The following FBXL13 variants were observed in gnomAD, a reference collection of about 807,000 sequenced individuals.
FBXL13 encodes the protein F-box and leucine-rich repeat protein 13.
A neutral mutation model predicts 83.6 loss-of-function variants in FBXL13; 67 were observed. The observed-to-expected ratio is 0.80, with a 90% CI of 0.66 to 0.98. The LOEUF is 0.98. Among genes scored for constraint, FBXL13 ranks in the 50% least tolerant of loss-of-function variants. FBXL13 has a pLI of 0.00. For synonymous variants in FBXL13, 272 were observed against 299.5 expected, an observed-to-expected ratio of 0.91 and a Z score of 0.95; for missense variants, 822 against 866.5, an observed-to-expected ratio of 0.95 and a Z score of 0.64.
chr7:103,065,099 C>G (rs1248978429), intron 1 of FBXL13, among the ~76,000 whole-genome samples: 2 of 151,976 alleles, frequency 1.3e-5, no homozygotes, highest in Non-Finnish European at 2.9e-5. Flanking sequence ...ATTGACACAC[C>G]AAACAAACAG....
intron 6 of FBXL13, chr7:102,976,140 C>T: frequency 1.3e-6 from 1 of 766,478 alleles, no homozygotes; most frequent in Non-Finnish European, 2.4e-6. Context: ...TCTCGTCAGC[C>T]TTGCCGCTGA....
At position 102,847,099 on chromosome 7, in the gene FBXL13, G is replaced by T. The variant is rs997519328; in HGVS notation, c.1719+7678C>A. Among the ~76,000 whole-genome samples, 3 of 151,994 alleles carry T rather than the reference G, an allele frequency of 2.0e-5. No individual in the cohort carries two copies. In the South Asian group the frequency reaches 6.2e-4, roughly 31 times the overall value. On this transcript the variant is annotated intron_variant, in intron 17 of 19. Transcript: ENST00000313221. The stretch of plus-strand genomic sequence containing the variant: ...AGCAACTCTCATTTATTTACATATT[G>T]TCTATGGCTGTTTCTATGCTCAATG...
chr7:103,024,607 G>A (rs1386812358), intron 6 of FBXL13, among the ~76,000 whole-genome samples: 1 of 149,890 alleles, frequency 6.7e-6, no homozygotes, highest in Non-Finnish European at 1.5e-5. Context: ...CAAGTGTGGG[G>A]GAAAAAAATC....
chr7:103,037,168 A>G (rs1342696834), intron 2 of FBXL13, among the ~76,000 whole-genome samples: 1 of 152,174 alleles, frequency 6.6e-6, no homozygotes. Flanking sequence ...TTAATGTTTT[A>G]CTCCTTCCTG....
At chr7:102,892,463 A>C (rs2129460562) in intron 11 of FBXL13, among the ~76,000 whole-genome samples, 1 of 152,332 alleles carries the variant, frequency 6.6e-6, no homozygotes, top group Non-Finnish European at 1.5e-5. Flanking sequence ...TGTTTTCATA[A>C]ATTCTACAAT....
chr7:102,980,499 C>T lies in FBXL13; in HGVS notation c.496-12382G>A, dbSNP rs189001062. On this transcript the variant is annotated intron_variant, in intron 6 of 19. Transcript: ENST00000313221. Reference sequence around the variant, plus strand: ...CCTAAATATAAGAGCTAAAACCAGCCGGGTGCGGTGGCTTACGCCTGTAAT... The same window carrying T: ...CCTAAATATAAGAGCTAAAACCAGCTGGGTGCGGTGGCTTACGCCTGTAAT... 6.6e-5 allele frequency among the ~76,000 whole-genome samples: 10 copies of T among 152,230 alleles called. No homozygotes were observed. The East Asian group carries it at 7.7e-4, about 12-fold the overall frequency.
chr7:103,070,620 G>A (rs1798859103), intron 1 of FBXL13, among the ~76,000 whole-genome samples: 1 of 151,836 alleles, frequency 6.6e-6, no homozygotes, highest in South Asian at 2.1e-4. Flanking sequence ...TGCGGCTCAG[G>A]GTTCTGCAGG....
At position 102,855,912 on chromosome 7, in the gene FBXL13, C is replaced by T. The variant is rs1323329417; in HGVS notation, c.1636-1052G>A. Among the ~76,000 whole-genome samples, 5 of 149,410 alleles carry T rather than the reference C, an allele frequency of 3.3e-5. No homozygotes were observed. The East Asian group carries it at 9.7e-4, about 29-fold the overall frequency. On this transcript the variant is annotated intron_variant, in intron 16 of 19. Transcript: ENST00000313221. ...GGGCCTTCTCATAAAAAAAAAAAAGCCTGTATTAATAAAAATGTTTTATTT... is the reference window on the plus strand; with the variant it reads ...GGGCCTTCTCATAAAAAAAAAAAAGTCTGTATTAATAAAAATGTTTTATTT...
At chr7:102,982,826 G>T (rs1828426157) in intron 6 of FBXL13, among the ~76,000 whole-genome samples, 1 of 152,154 alleles carries the variant, frequency 6.6e-6, no homozygotes, top group Non-Finnish European at 1.5e-5. Context: ...TTAGCAGCAT[G>T]AGAACAGACT....
intron 5 of FBXL13, among the ~76,000 whole-genome samples, chr7:103,026,275 A>T (rs981077766): frequency 2.0e-5 from 3 of 151,938 alleles, no homozygotes; most frequent in Non-Finnish European, 4.4e-5. Context: ...AGTAGCTGGG[A>T]TTACAGGGGC....
intron 18 of FBXL13, among the ~76,000 whole-genome samples, chr7:102,832,533 A>ATC (rs1800895498): frequency 6.6e-6 from 1 of 152,242 alleles, no homozygotes; most frequent in African/African-American, 2.4e-5. Flanking sequence ...TACAAATACT[A>ATC]AGTTCATTCA....
chr7:103,042,379 A>G (rs1795813682), intron 2 of FBXL13, among the ~76,000 whole-genome samples: 1 of 152,200 alleles, frequency 6.6e-6, no homozygotes, highest in South Asian at 2.1e-4. Flanking sequence ...AATCAGTATC[A>G]TGAAAATGGC....
At chr7:102,812,193 C>T (rs1390050495), downstream of FBXL13, among the ~76,000 whole-genome samples, 1 of 152,176 alleles carries the variant, frequency 6.6e-6, no homozygotes, top group Non-Finnish European at 1.5e-5. Context: ...ATCAGTGTTA[C>T]ATAATATCAA....
At chr7:102,833,553 G>A (rs1295322813) in intron 17 of FBXL13, among the ~76,000 whole-genome samples, 1 of 148,616 alleles carries the variant, frequency 6.7e-6, no homozygotes, top group Non-Finnish European at 1.5e-5. Context: ...TGCCTCTTGT[G>A]CCTATTGGGA....
intron 6 of FBXL13, among the ~76,000 whole-genome samples, chr7:102,974,239 A>T (rs1057389159): frequency 6.6e-6 from 1 of 151,978 alleles, no homozygotes; most frequent in Non-Finnish European, 1.5e-5. Flanking sequence ...AAATACAAAA[A>T]ATTAGCCGGG....
At chr7:103,039,912 C>A (rs947129707) in intron 2 of FBXL13, among the ~76,000 whole-genome samples, 1 of 151,938 alleles carries the variant, frequency 6.6e-6, no homozygotes, top group Non-Finnish European at 1.5e-5. Flanking sequence ...GAAGAAACTG[C>A]ATCAATTAAC....
intron 6 of FBXL13, among the ~76,000 whole-genome samples, chr7:103,020,255 C>T (rs1025092431): frequency 6.6e-6 from 1 of 152,096 alleles, no homozygotes; most frequent in African/African-American, 2.4e-5. Flanking sequence ...ACAGAAAAGG[C>T]CTTTGACAAA....
chr7:103,051,227 A>G (rs1796779749), intron 2 of FBXL13, among the ~76,000 whole-genome samples: 1 of 152,172 alleles, frequency 6.6e-6, no homozygotes, highest in African/African-American at 2.4e-5. Flanking sequence ...AATTCCTGTG[A>G]ATTTTCAAAA....
downstream of FBXL13, among the ~76,000 whole-genome samples, chr7:102,811,390 A>G (rs1457836042): frequency 6.6e-6 from 1 of 152,232 alleles, no homozygotes; most frequent in African/African-American, 2.4e-5. Context: ...TCGAAAACTT[A>G]AAAGATTTCT....
Sources: gnomAD v4.1 joint callset for allele counts (sites outside exome capture counted in the v4.1 genomes callset) on GRCh38, gnomAD v4.1.1 for gene constraint, MANE v1.5 for transcripts, NCBI Gene and HGNC (gene_info 2026-07-23, HGNC 2026-07-21) for gene names.